Variants in KLHL1 observed in about 807,000 individuals in gnomAD.
KLHL1 encodes the protein kelch like family member 1.
KLHL1 carries 47 observed loss-of-function variants against 77.7 expected under a neutral mutation model. The observed-to-expected ratio is 0.60, with a 90% confidence interval of 0.48 to 0.77. KLHL1 has a LOEUF of 0.77. Among genes scored for constraint, KLHL1 ranks in the 30% least tolerant of loss-of-function variants. The pLI is 0.00. For missense variants in KLHL1, 925 were observed against 910.8 expected, an observed-to-expected ratio of 1.02 and a Z score of -0.20; for synonymous variants, 360 against 325.2, an observed-to-expected ratio of 1.11 and a Z score of -1.15.
intron 6 of KLHL1, among the ~76,000 whole-genome samples, chr13:69,815,299 A>G (rs1365817022): frequency 6.6e-6 from 1 of 152,244 alleles, no homozygotes; most frequent in Non-Finnish European, 1.5e-5. Flanking sequence ...ACATGGAATC[A>G]ACCCAGTTGC....
chr13:69,899,002 G>A (rs1053269292), intron 4 of KLHL1, among the ~76,000 whole-genome samples: 1 of 134,676 alleles, frequency 7.4e-6, no homozygotes, highest in African/African-American at 2.8e-5. Flanking sequence ...TATCACAAAT[G>A]CAATAAAAAT....
intron 1 of KLHL1, among the ~76,000 whole-genome samples, chr13:70,035,322 A>G (rs2501205): frequency 0.47 from 71,320 of 151,810 alleles, 17,779 homozygotes; most frequent in East Asian, 0.71. Flanking sequence ...AAGTGAAATA[A>G]GACAGGCACA....
chr13:69,806,948 G>A (rs1468904589), intron 6 of KLHL1, among the ~76,000 whole-genome samples: 1 of 152,184 alleles, frequency 6.6e-6, no homozygotes, highest in East Asian at 1.9e-4. Flanking sequence ...TAAGACACAA[G>A]TGGACCATAC....
intron 2 of KLHL1, among the ~76,000 whole-genome samples, chr13:69,973,720 T>C (rs1468129518): frequency 1.3e-5 from 2 of 152,070 alleles, no homozygotes; most frequent in Non-Finnish European, 2.9e-5. Context: ...ACAATGCTTG[T>C]TCAAGCGTCA....
chr13:69,715,829 G>A (rs943516026), intron 9 of KLHL1, among the ~76,000 whole-genome samples: 17 of 152,052 alleles, frequency 1.1e-4, no homozygotes, highest in African/African-American at 4.1e-4. Flanking sequence ...AAGGGGAAGG[G>A]AGAAGAAGCA....
intron 1 of KLHL1, among the ~76,000 whole-genome samples, chr13:70,050,504 T>G (rs1886604335): frequency 6.6e-6 from 1 of 151,938 alleles, no homozygotes. Context: ...TGAAATACAT[T>G]GCACTTCAGA....
intron 1 of KLHL1, among the ~76,000 whole-genome samples, chr13:69,982,021 T>C (rs527326443): frequency 5.9e-5 from 9 of 152,174 alleles, no homozygotes; most frequent in Non-Finnish European, 1.0e-4. Flanking sequence ...TAAAGCGTAC[T>C]GTGTTTTTGC....
intron 7 of KLHL1, among the ~76,000 whole-genome samples, chr13:69,759,583 A>G (rs76414715): frequency 0.037 from 5,623 of 152,310 alleles, 133 homozygotes; most frequent in Middle Eastern, 0.068. Flanking sequence ...AGTAGATCTT[A>G]TAAGTTTCAT....
intron 1 of KLHL1, among the ~76,000 whole-genome samples, chr13:70,024,621 TC>T (rs1215390661): frequency 1.6e-4 from 3 of 18,854 alleles, no homozygotes; most frequent in African/African-American, 5.0e-4. Context: ...AGAAAAGATT[TC>T]TCTCTCTCTC....
At chr13:69,754,222 CAAT>C (rs1279228600) in intron 7 of KLHL1, among the ~76,000 whole-genome samples, 1 of 151,990 alleles carries the variant, frequency 6.6e-6, no homozygotes, top group African/African-American at 2.4e-5. Context: ...TAATGAGACT[CAAT>C]ATAATTTTCA....
At chr13:69,920,736 AAAG>A (rs1197786415) in intron 4 of KLHL1, among the ~76,000 whole-genome samples, 1 of 152,140 alleles carries the variant, frequency 6.6e-6, no homozygotes, top group East Asian at 1.9e-4. Flanking sequence ...GCTCTCGTTC[AAAG>A]AAGTTTTCCA....
intron 1 of KLHL1, among the ~76,000 whole-genome samples, chr13:70,058,337 C>T (rs528000989): frequency 1.4e-3 from 215 of 152,074 alleles, no homozygotes; most frequent in Non-Finnish European, 2.3e-3. Context: ...AACCTAAAGC[C>T]TCCACCAAAA....
chr13:69,919,265 T>C (rs747575836), intron 4 of KLHL1, among the ~76,000 whole-genome samples: 61 of 152,174 alleles, frequency 4.0e-4, no homozygotes, highest in Non-Finnish European at 6.2e-4. Context: ...ATTTCCTCCA[T>C]TTATTTATAG....
chr13:69,988,314 A>G (rs981233700), intron 1 of KLHL1, among the ~76,000 whole-genome samples: 1 of 152,216 alleles, frequency 6.6e-6, no homozygotes, highest in African/African-American at 2.4e-5. Flanking sequence ...TCATGGTTGC[A>G]TACTATTAAA....
chr13:69,904,674 TTAAG>T (rs1424073417), intron 4 of KLHL1, among the ~76,000 whole-genome samples: 8 of 152,094 alleles, frequency 5.3e-5, no homozygotes, highest in Admixed American at 2.6e-4. Context: ...CACAGACAAT[TTAAG>T]TAAATAATAC....
chr13:69,722,827 C>T (rs936946891), intron 8 of KLHL1, among the ~76,000 whole-genome samples: 1 of 152,010 alleles, frequency 6.6e-6, no homozygotes, highest in South Asian at 2.1e-4. Context: ...GGTGTATATT[C>T]AAAGGAAATG....
intron 8 of KLHL1, among the ~76,000 whole-genome samples, chr13:69,725,798 G>A (rs1252805627): frequency 6.6e-6 from 1 of 152,114 alleles, no homozygotes; most frequent in Non-Finnish European, 1.5e-5. Context: ...CCCACAGAAA[G>A]GCAGATATAA....
At chr13:70,068,653 T>C (rs544232006) in intron 1 of KLHL1, among the ~76,000 whole-genome samples, 1 of 152,354 alleles carries the variant, frequency 6.6e-6, no homozygotes. Context: ...TGTTTCTGTT[T>C]ATCCCTAAAA....
At chr13:69,950,044 G>C in intron 3 of KLHL1, among the ~76,000 whole-genome samples, 2 of 151,714 alleles carry the variant, frequency 1.3e-5, no homozygotes, top group South Asian at 4.2e-4. Context: ...TAATTAATCT[G>C]TAAACCATGT....
Sources: gnomAD v4.1 joint callset for allele counts (sites outside exome capture counted in the v4.1 genomes callset) on GRCh38, gnomAD v4.1.1 for gene constraint, MANE v1.5 for transcripts, NCBI Gene and HGNC (gene_info 2026-07-23, HGNC 2026-07-21) for gene names.